XIRP2: variants seen among roughly 807,000 people sequenced by gnomAD.
XIRP2 encodes xin actin-binding repeat-containing protein 2.
In XIRP2, 236 loss-of-function variants were observed where a neutral mutation model predicts 277.0. That is an observed-to-expected ratio of 0.85 (90% CI 0.77 to 0.95). XIRP2 has a LOEUF of 0.95. Ranked by LOEUF, XIRP2 falls within the 40% of genes least tolerant of loss-of-function variation. XIRP2 has a pLI of 0.00. For synonymous variants in XIRP2, 1,490 were observed against 1,416.5 expected (o/e 1.05, Z -1.17); for missense variants, 4,640 against 4,157.5 (o/e 1.12, Z -3.19).
chr2:166,910,143 G>T (rs1405245549), intron 2 of XIRP2, among the ~76,000 whole-genome samples: 1 of 152,178 alleles, frequency 6.6e-6, no homozygotes, highest in East Asian at 1.9e-4. Flanking sequence ...AGTTAGGGAG[G>T]ATTCCCTCTT....
intron 2 of XIRP2, among the ~76,000 whole-genome samples, chr2:167,005,335 A>G (rs1013852111): frequency 1.3e-5 from 2 of 151,888 alleles, no homozygotes; most frequent in African/African-American, 2.4e-5. Flanking sequence ...TTGTTTGCCA[A>G]TGAAGTCACT....
chr2:167,125,811 A>T (rs183424057), intron 2 of XIRP2, among the ~76,000 whole-genome samples: 2 of 152,264 alleles, frequency 1.3e-5, no homozygotes, highest in African/African-American at 4.8e-5. Context: ...TTAATCACTC[A>T]TGGTTCTATG....
chr2:167,247,701 A>G lies in XIRP2; in HGVS notation c.6309A>G (p.Arg2103=). 6.2e-7 allele frequency: 1 copy of G among 1,613,666 alleles called. No homozygotes were observed. The highest frequency in any genetic ancestry group is 8.5e-7 in the Non-Finnish European group (1 of 1,179,736). Residue 2103 remains arginine, a synonymous_variant, in exon 9 of 11, where the codon AGA becomes AGG. Coordinates refer to ENST00000409195, the MANE Select transcript of XIRP2 (RefSeq NM_152381.6). The part of the protein sequence containing the change: ...LTTKESDRAV[R]ELKKDDVFNS... ...CTAAAGAATCAGACAGGGCAGTGAG[A>G]GAGCTGAAGAAGGATGATGTCTTTA...
At chr2:167,112,496 T>C in intron 2 of XIRP2, among the ~76,000 whole-genome samples, 1 of 150,180 alleles carries the variant, frequency 6.7e-6, no homozygotes, top group East Asian at 1.9e-4. Context: ...ATTTTATTAA[T>C]ATTTATTTTT....
intron 2 of XIRP2, among the ~76,000 whole-genome samples, chr2:166,924,887 AAT>A (rs1281473892): frequency 6.6e-6 from 1 of 152,036 alleles, no homozygotes; most frequent in African/African-American, 2.4e-5. Flanking sequence ...CTACCATTTA[AAT>A]GTTAATTTCT....
rs562305057 is a variant in XIRP2, at chr2:167,246,475, C to T, written c.5083C>T (p.Leu1695Phe). The change falls in exon 9 of 11, where the codon CTT becomes TTT. Residue 1695 changes from leucine (L) to phenylalanine (F), a missense_variant. Leu to Phe is a conservative substitution (Grantham distance 22). Coordinates refer to ENST00000409195, the MANE Select transcript of XIRP2 (RefSeq NM_152381.6). ...GDINMTIYCL[L>F]HENDGDTIER... is the part of the protein sequence containing the mutation. ...TATTAACATGACTATCTATTGTCTT[C>T]TTCATGAAAATGATGGTGACACAAT... The T allele has an allele frequency of 6.2e-7, 1 of 1,613,654 alleles. No homozygotes were observed. Among genetic ancestry groups the T allele is most frequent in the Non-Finnish European group, 8.5e-7 (1 of 1,179,800 alleles).
At chr2:167,135,751 T>C (rs1174953764) in intron 2 of XIRP2, 158 bp from the exon 3 acceptor site, 9 of 645,364 alleles carry the variant, frequency 1.4e-5, no homozygotes, top group Non-Finnish European at 2.4e-6. Context: ...TTTGCAGTTC[T>C]TGGCAAAGTT....
chr2:167,242,693 C>T lies in XIRP2; in HGVS notation c.1301C>T (p.Thr434Ile). The T allele has an allele frequency of 6.2e-7, 1 of 1,614,102 alleles. No individual in the cohort carries two copies. Among genetic ancestry groups the T allele is most frequent in the South Asian group, 1.1e-5 (1 of 91,084 alleles). ...STTRYSDHSV[T>I]SSTLAQINAT... is the part of the protein sequence containing the mutation. ...ACAAGATATAGTGATCACAGTGTCA[C>T]TTCCTCAACTCTGGCACAAATTAAT... Residue 434 changes from threonine to isoleucine, a missense_variant, in exon 9 of 11, where the codon ACT becomes ATT. Transcript: ENST00000409195.
intron 3 of XIRP2, among the ~76,000 whole-genome samples, chr2:167,193,456 A>G (rs1029725920): frequency 6.6e-6 from 1 of 152,144 alleles, no homozygotes; most frequent in African/African-American, 2.4e-5. Context: ...ATGCTTTTAT[A>G]TTGTTCTCCA....
At chr2:166,924,153 G>A (rs1028468177) in intron 2 of XIRP2, among the ~76,000 whole-genome samples, 9 of 152,144 alleles carry the variant, frequency 5.9e-5, no homozygotes, top group African/African-American at 1.2e-4. Flanking sequence ...TGGGCTCATC[G>A]GGAATACATT....
intron 2 of XIRP2, among the ~76,000 whole-genome samples, chr2:166,982,519 T>G (rs965877816): frequency 1.3e-5 from 2 of 152,062 alleles, no homozygotes; most frequent in African/African-American, 4.8e-5. Context: ...ACCTCTATCA[T>G]GTTTTTTTAT....
At chr2:167,068,607 C>CTTTT (rs201447859) in intron 2 of XIRP2, among the ~76,000 whole-genome samples, 58 of 148,088 alleles carry the variant, frequency 3.9e-4, no homozygotes, top group African/African-American at 1.2e-3. Context: ...TTTTTCTTTG[C>CTTTT]TTTTTTTTTT....
intron 3 of XIRP2, among the ~76,000 whole-genome samples, chr2:167,143,969 T>TA (rs1301247293): frequency 7.2e-5 from 11 of 152,156 alleles, no homozygotes; most frequent in African/African-American, 2.7e-4. Context: ...CAAATACTTT[T>TA]ATTTAAAATG....
intron 2 of XIRP2, among the ~76,000 whole-genome samples, chr2:166,969,722 T>G (rs575804270): frequency 6.1e-4 from 93 of 151,782 alleles, no homozygotes; most frequent in Non-Finnish European, 1.2e-3. Context: ...AATAATCTCG[T>G]GTATGTTCAT....
intron 2 of XIRP2, among the ~76,000 whole-genome samples, chr2:167,053,167 T>C (rs767212573): frequency 1.4e-4 from 22 of 152,240 alleles, no homozygotes; most frequent in Non-Finnish European, 2.5e-4. Context: ...TAATTATCTT[T>C]TGAAGTTTCC....
intron 2 of XIRP2, among the ~76,000 whole-genome samples, chr2:167,115,550 T>C (rs974635255): frequency 6.6e-6 from 1 of 152,172 alleles, no homozygotes; most frequent in Non-Finnish European, 1.5e-5. Context: ...TTTGATGCTG[T>C]TGGGGGTTTG....
At chr2:167,183,519 A>G (rs574445213) in intron 3 of XIRP2, among the ~76,000 whole-genome samples, 4 of 152,240 alleles carry the variant, frequency 2.6e-5, no homozygotes, top group African/African-American at 4.8e-5. Context: ...GCTATTTACA[A>G]TCTGCTGTTA....
intron 3 of XIRP2, among the ~76,000 whole-genome samples, chr2:167,145,483 C>G (rs1411391975): frequency 1.3e-5 from 2 of 152,054 alleles, no homozygotes; most frequent in Non-Finnish European, 2.9e-5. Flanking sequence ...CCACAGTGTT[C>G]CAATGAATTA....
At chr2:166,934,850 TA>T (rs11372263) in intron 2 of XIRP2, among the ~76,000 whole-genome samples, 3 of 150,334 alleles carry the variant, frequency 2.0e-5, no homozygotes, top group Admixed American at 6.6e-5. Flanking sequence ...CTACTAAAAA[TA>T]AAAAAAAAAT....
Sources: gnomAD v4.1 joint callset for allele counts (sites outside exome capture counted in the v4.1 genomes callset) on GRCh38, gnomAD v4.1.1 for gene constraint, MANE v1.5 for transcripts, NCBI Gene and HGNC (gene_info 2026-07-23, HGNC 2026-07-21) for gene names.